The following NTM variants were observed in gnomAD, a reference collection of about 807,000 sequenced individuals.
NTM encodes neurotrimin.
NTM carries 13 observed loss-of-function variants against 42.1 expected under a neutral mutation model. The ratio of observed to expected loss-of-function variants is 0.31; its 90% CI spans 0.20 to 0.49. The LOEUF is 0.49. Among genes scored for constraint, NTM ranks in the 20% least tolerant of loss-of-function variants. NTM has a pLI of 0.99. For synonymous variants in NTM, 187 were observed against 179.2 expected (o/e 1.04, Z -0.35); for missense variants, 373 against 452.8 (o/e 0.82, Z 1.60).
intron 1 of NTM, among the ~76,000 whole-genome samples, chr11:131,541,216 A>G (rs1016235483): frequency 6.6e-6 from 1 of 152,156 alleles, no homozygotes; most frequent in Non-Finnish European, 1.5e-5. Flanking sequence ...ATAATTTAGG[A>G]CTTAAAGTGA....
intron 1 of NTM, among the ~76,000 whole-genome samples, chr11:131,684,431 C>T (rs764932361): frequency 6.6e-6 from 1 of 152,230 alleles, no homozygotes; most frequent in Non-Finnish European, 1.5e-5. Context: ...TGCCTGGAAA[C>T]CTTTTCTCAA....
At chr11:131,539,271 T>G (rs558565949) in intron 1 of NTM, 2 of 152,278 alleles carry the variant, frequency 1.3e-5, no homozygotes, top group South Asian at 4.1e-4. Context: ...TTTGCAGAAG[T>G]TCCTTCTGGA....
chr11:132,118,412 T>C (rs1356399738), intron 2 of NTM, among the ~76,000 whole-genome samples: 1 of 152,210 alleles, frequency 6.6e-6, no homozygotes, highest in Non-Finnish European at 1.5e-5. Context: ...GACTTGGCAT[T>C]GCATCTCTCC....
intron 4 of NTM, among the ~76,000 whole-genome samples, chr11:132,303,359 A>G (rs2094937460): frequency 6.6e-6 from 1 of 152,154 alleles, no homozygotes; most frequent in African/African-American, 2.4e-5. Flanking sequence ...ATGCACCAGC[A>G]ATTCCTGGCG....
intron 4 of NTM, among the ~76,000 whole-genome samples, chr11:132,266,351 A>T (rs78240053): frequency 6.6e-6 from 1 of 152,140 alleles, no homozygotes; most frequent in African/African-American, 2.4e-5. Context: ...GCCAGTGTGG[A>T]GTGGGGAGCC....
At chr11:131,492,615 T>C (rs1211755866) in intron 1 of NTM, among the ~76,000 whole-genome samples, 1 of 152,130 alleles carries the variant, frequency 6.6e-6, no homozygotes, top group Non-Finnish European at 1.5e-5. Flanking sequence ...GACTTGGCCC[T>C]TCCGATGCTA....
chr11:132,314,018 C>CAAAAAATTAAGTATTATCTATA (rs2095355958), intron 6 of NTM, among the ~76,000 whole-genome samples: 1 of 152,110 alleles, frequency 6.6e-6, no homozygotes, highest in Non-Finnish European at 1.5e-5. Flanking sequence ...TCTTCATAGC[C>CAAAAAATTAAGTATTATCTATA]AAAAAATTAA....
intron 1 of NTM, among the ~76,000 whole-genome samples, chr11:131,472,945 A>G (rs755377941): frequency 7.9e-5 from 12 of 152,256 alleles, no homozygotes; most frequent in Non-Finnish European, 1.2e-4. Context: ...TACTCCGTGA[A>G]ATATTAATTG....
At chr11:131,795,680 C>A in intron 1 of NTM, 1 of 985,434 alleles carries the variant, frequency 1.0e-6, no homozygotes, top group African/African-American at 1.7e-5. Context: ...TCAGGGCGAA[C>A]AGCAGATATT....
intron 1 of NTM, among the ~76,000 whole-genome samples, chr11:131,724,836 G>A (rs753918525): frequency 6.6e-6 from 1 of 152,244 alleles, no homozygotes; most frequent in Non-Finnish European, 1.5e-5. Context: ...AGAGCAGCCA[G>A]TGAGAGGTGG....
chr11:132,048,818 CTTTT>C (rs10563617), intron 2 of NTM, among the ~76,000 whole-genome samples: 9,285 of 132,944 alleles, frequency 0.07, 1,028 homozygotes, highest in African/African-American at 0.24. Flanking sequence ...TTTCTTTTTT[CTTTT>C]TTTTTTTTTT....
At chr11:132,029,343 C>G (rs1248780387) in intron 2 of NTM, among the ~76,000 whole-genome samples, 2 of 118,646 alleles carry the variant, frequency 1.7e-5, no homozygotes, top group Non-Finnish European at 3.4e-5. Context: ...CTCCCCCCTC[C>G]CCCCACCCCA....
At chr11:132,166,162 C>T (rs2075247438) in intron 3 of NTM, among the ~76,000 whole-genome samples, 1 of 152,148 alleles carries the variant, frequency 6.6e-6, no homozygotes. Context: ...CAGACAGCAG[C>T]TCAGCAAAAG....
intron 2 of NTM, among the ~76,000 whole-genome samples, chr11:131,977,954 C>G (rs1345319367): frequency 6.6e-6 from 1 of 152,012 alleles, no homozygotes; most frequent in Non-Finnish European, 1.5e-5. Context: ...GATTAATTAC[C>G]AAGTCAGGAA....
intron 3 of NTM, among the ~76,000 whole-genome samples, chr11:132,182,096 CATGTTA>C (rs1166096066): frequency 6.6e-6 from 1 of 151,904 alleles, no homozygotes; most frequent in African/African-American, 2.4e-5. Flanking sequence ...CGTTATTTCC[CATGTTA>C]ACTAATGCCA....
chr11:132,215,682 C>T (rs1350650321), intron 4 of NTM, among the ~76,000 whole-genome samples: 3 of 152,246 alleles, frequency 2.0e-5, no homozygotes, highest in South Asian at 2.1e-4. Flanking sequence ...GAATAATTTC[C>T]GTATATTATT....
intron 4 of NTM, among the ~76,000 whole-genome samples, chr11:132,260,662 A>C (rs1233980362): frequency 6.6e-6 from 1 of 152,230 alleles, no homozygotes; most frequent in Non-Finnish European, 1.5e-5. Context: ...AAATATTTCA[A>C]AAAATGATTT....
chr11:132,214,525 G>A (rs1254922954), intron 4 of NTM, among the ~76,000 whole-genome samples: 1 of 152,024 alleles, frequency 6.6e-6, no homozygotes, highest in East Asian at 1.9e-4. Flanking sequence ...TTTTGTTGTT[G>A]TTCTATGCTT....
intron 2 of NTM, among the ~76,000 whole-genome samples, chr11:131,936,343 G>A (rs187223446): frequency 8.6e-5 from 13 of 152,038 alleles, no homozygotes; most frequent in South Asian, 2.1e-4. Context: ...TCTTTTGTCC[G>A]TCCTAAATTT....
Sources: gnomAD v4.1 joint callset for allele counts (sites outside exome capture counted in the v4.1 genomes callset) on GRCh38, gnomAD v4.1.1 for gene constraint, MANE v1.5 for transcripts, NCBI Gene and HGNC (gene_info 2026-07-23, HGNC 2026-07-21) for gene names.